The following MARS1 variants were observed in gnomAD, a reference collection of about 807,000 sequenced individuals.
MARS1 encodes the protein methionyl-tRNA synthetase 1.
A neutral mutation model predicts 119.5 loss-of-function variants in MARS1; 80 were observed. That is an observed-to-expected ratio of 0.67 (90% CI 0.56 to 0.81). MARS1 has a LOEUF of 0.81. Among genes scored for constraint, MARS1 ranks in the 30% least tolerant of loss-of-function variants. The pLI is 0.00. For synonymous variants in MARS1, 418 were observed against 433.4 expected (o/e 0.96, Z 0.44); for missense variants, 945 against 1,116.5 (o/e 0.85, Z 2.19).
In MARS1 at chr12:57,492,935, A is replaced by G. The variant is rs1014852320; in HGVS notation, c.770+2291A>G. ...GTTTTGAGAGGCAGGTGGGGCTGGCATCATACCATTGTCTCTCACCTCTGT... is the reference window on the plus strand; with the variant it reads ...GTTTTGAGAGGCAGGTGGGGCTGGCGTCATACCATTGTCTCTCACCTCTGT... On this transcript the variant is annotated intron_variant, in intron 7 of 20. Transcript: ENST00000262027. Among the ~76,000 whole-genome samples the G allele has an allele frequency of 2.0e-5, 3 of 152,188 alleles. No homozygotes were observed. The East Asian group carries it at 5.8e-4, about 29-fold the overall frequency.
chr12:57,488,658 T>G, intron 1 of MARS1: 1 of 1,550,114 alleles, frequency 6.5e-7, no homozygotes, highest in Non-Finnish European at 8.7e-7. Flanking sequence ...TAGGAGGTTC[T>G]CTTGTAAGTC....
intron 11 of MARS1, 38 bp downstream of exon 11, chr12:57,504,337 CCT>C: frequency 6.6e-7 from 1 of 1,513,240 alleles, no homozygotes; most frequent in Non-Finnish European, 9.2e-7. Context: ...TTTCAGGAGG[CCT>C]CTTCTGTCCC....
At chr12:57,500,939 A>G (rs1876888628) in intron 10 of MARS1, among the ~76,000 whole-genome samples, 1 of 152,242 alleles carries the variant, frequency 6.6e-6, no homozygotes, top group Non-Finnish European at 1.5e-5. Flanking sequence ...AATGAATAAG[A>G]CAGATTTTAT....
At chr12:57,503,691 G>A (rs528878738) in intron 10 of MARS1, among the ~76,000 whole-genome samples, 293 of 152,046 alleles carry the variant, frequency 1.9e-3, no homozygotes, top group Non-Finnish European at 3.5e-3. Context: ...ACAGGTGCAC[G>A]CCACCATGCC....
chr12:57,498,543 C>T lies in MARS1; in HGVS notation c.1011C>T (p.His337=). The stretch of plus-strand genomic sequence containing the variant: ...CCCAGGAGATCTGCGACAAGTACCA[C>T]ATCATCCATGCTGACATCTACCGCT... The part of the protein sequence containing the change: ...LTPQEICDKY[H]IIHADIYRWF... The change falls in exon 9 of 21, where the codon CAC becomes CAT. Residue 337 remains histidine (H), a synonymous_variant. Transcript: ENST00000262027. The T allele has an allele frequency of 1.9e-6, 3 of 1,614,230 alleles. No homozygotes were observed. Among genetic ancestry groups the T allele is most frequent in the Non-Finnish European group, 2.5e-6 (3 of 1,180,044 alleles).
chr12:57,511,481 G>C (rs952428465), intron 11 of MARS1: 4 of 563,010 alleles, frequency 7.1e-6, no homozygotes, highest in Non-Finnish European at 1.3e-5. Flanking sequence ...GGAGGTTGAG[G>C]TAGGAGGATT....
chr12:57,494,366 C>T lies in MARS1; in HGVS notation c.770+3722C>T, dbSNP rs1396014424. On this transcript the variant is annotated intron_variant, in intron 7 of 20. Coordinates refer to ENST00000262027, the MANE Select transcript of MARS1 (RefSeq NM_004990.4). The stretch of plus-strand genomic sequence containing the variant: ...TTTTTGAGATGGAGTCTCACACTGT[C>T]GTCCAGGCTGGAGTGCAATGGCATG... Among the ~76,000 whole-genome samples, 6 of 136,482 alleles carry T rather than the reference C, an allele frequency of 4.4e-5. 1 individual carries two copies. Among genetic ancestry groups the T allele is most frequent in the Admixed American group, 3.2e-4 (4 of 12,514 alleles). The allele number at this position is 136,482 out of a possible 152,430, so 89.5% of individuals were successfully genotyped here. A position where few individuals can be genotyped will look rare whatever the true frequency, so the allele number is the denominator to read the frequency against.
chr12:57,507,880 C>T (rs1215631825), intron 11 of MARS1, among the ~76,000 whole-genome samples: 30 of 150,976 alleles, frequency 2.0e-4, no homozygotes, highest in African/African-American at 6.3e-4. Flanking sequence ...AGCTGCCGGG[C>T]GGAGGGGCTC....
At chr12:57,506,596 T>C (rs1208047309) in intron 11 of MARS1, among the ~76,000 whole-genome samples, 1 of 152,234 alleles carries the variant, frequency 6.6e-6, no homozygotes, top group Non-Finnish European at 1.5e-5. Context: ...TTAATTTTGT[T>C]TGGTCAGGTG....
At chr12:57,515,792 T>C in intron 18 of MARS1, 128 bp from the exon 19 acceptor site, 1 of 720,260 alleles carries the variant, frequency 1.4e-6, no homozygotes, top group Non-Finnish European at 2.4e-6. Context: ...AATCAGCAGA[T>C]ATTAGCTCAG....
At chr12:57,494,707 C>T (rs1162885163) in intron 7 of MARS1, among the ~76,000 whole-genome samples, 1 of 151,812 alleles carries the variant, frequency 6.6e-6, no homozygotes, top group Non-Finnish European at 1.5e-5. Flanking sequence ...GTGGTGATGA[C>T]TCTTAACGAG....
chr12:57,508,678 G>GAGAGGT lies in MARS1; in HGVS notation c.1369-2996_1369-2991dup, dbSNP rs1555167934. ...AAGAGAGGGAGAGGGAGACCGTGGG[G>GAGAGGT]AGAGGTAGAGGTAGAGGTAGAGGTA... is the stretch of plus-strand genomic sequence containing the variant. On this transcript the variant is annotated intron_variant, in intron 11 of 20. Coordinates refer to ENST00000262027, the MANE Select transcript of MARS1 (RefSeq NM_004990.4). 2.4e-3 allele frequency among the ~76,000 whole-genome samples: 344 copies of GAGAGGT among 145,426 alleles called. 2 individuals are homozygous for GAGAGGT. The highest frequency in any genetic ancestry group is 0.01 in the South Asian group (46 of 4,502).
In MARS1 at chr12:57,489,502, G is replaced by C. The variant is rs1402370040; in HGVS notation, c.358G>C (p.Ala120Pro). The C allele has an allele frequency of 6.2e-7, 1 of 1,614,182 alleles. No homozygotes were observed. The highest frequency in any genetic ancestry group is 1.1e-5 in the South Asian group (1 of 91,082). The change falls in exon 4 of 21, where the codon GCC (alanine) becomes CCC (proline). Residue 120 changes from alanine to proline, a missense_variant. Physicochemically the swap from Ala to Pro is conservative, Grantham distance 27 (BLOSUM62 -1). Transcript: ENST00000262027. ...AGATGTTCTTGGTTCAGTGCGGAGA[G>C]CCCTGACTCACATTGACCACAGCTT... ...GEDVLGSVRR[A>P]LTHIDHSLSR...
At chr12:57,507,895 C>T (rs1198022860) in intron 11 of MARS1, among the ~76,000 whole-genome samples, 1 of 151,642 alleles carries the variant, frequency 6.6e-6, no homozygotes, top group African/African-American at 2.4e-5. Context: ...GGGCTCCTCA[C>T]TTCTCAGACG....
chr12:57,501,370 G>A (rs1386365912), intron 10 of MARS1, among the ~76,000 whole-genome samples: 2 of 152,220 alleles, frequency 1.3e-5, no homozygotes, highest in Non-Finnish European at 2.9e-5. Flanking sequence ...AAAATGGATG[G>A]CAGGGAAGCA....
At position 57,503,314 on chromosome 12, in the gene MARS1, A is replaced by G. The variant is rs191319728; in HGVS notation, c.1294-911A>G. Among the ~76,000 whole-genome samples the G allele has an allele frequency of 1.3e-3, 197 of 151,056 alleles. 2 individuals carry two copies. The highest frequency in any genetic ancestry group is 9.6e-3 in the East Asian group (49 of 5,120). ...AATGGCGCGATCTCAGCTCAGTGCA[A>G]TCTCCACCACCCAGGTTCAAGTGAT... On this transcript the variant is annotated intron_variant, in intron 10 of 20. Transcript: ENST00000262027.
intron 11 of MARS1, among the ~76,000 whole-genome samples, chr12:57,508,667 G>T (rs374027761): frequency 6.3e-5 from 7 of 111,782 alleles, no homozygotes; most frequent in Non-Finnish European, 1.0e-4. Flanking sequence ...GAGGGAGAGG[G>T]AGACCGTGGG....
In MARS1 at chr12:57,489,301, G is replaced by T; in HGVS notation, c.235G>T (p.Asp79Tyr). The T allele has an allele frequency of 6.2e-7, 1 of 1,613,832 alleles. No individual in the cohort carries two copies. The highest frequency in any genetic ancestry group is 1.1e-5 in the South Asian group (1 of 91,026). The change falls in exon 3 of 21, where the codon GAC becomes TAC. Residue 79 changes from aspartate (D) to tyrosine (Y), a missense_variant. Asp to Tyr is a radical substitution (Grantham distance 160). Coordinates refer to ENST00000262027, the MANE Select transcript of MARS1 (RefSeq NM_004990.4). ...FFLLSGWEQD[D>Y]LTNQWLEWEA... ...TTTGTTATCTGGCTGGGAGCAAGATGACCTCACTAACCAGTGGCTGGAATG... is the reference window on the plus strand; with the variant it reads ...TTTGTTATCTGGCTGGGAGCAAGATTACCTCACTAACCAGTGGCTGGAATG...
In MARS1 at chr12:57,492,669, T is replaced by TCTCACACA. The variant is rs1217908969; in HGVS notation, c.770+2026_770+2027insTCACACAC. 6.6e-3 allele frequency among the ~76,000 whole-genome samples: 917 copies of TCTCACACA among 139,506 alleles called. 8 individuals carry two copies. Among genetic ancestry groups the TCTCACACA allele is most frequent in the African/African-American group, 0.024 (890 of 37,788 alleles). 91.5% of individuals were successfully genotyped at this position (139,506 alleles called of 152,430 possible). On this transcript the variant is annotated intron_variant, in intron 7 of 20. Transcript: ENST00000262027. Reference sequence around the variant, plus strand: ...CTGGGCAACAGAGCGCGACTCCATTTCACACACACACACACACACACACAC... The same window carrying TCTCACACA: ...CTGGGCAACAGAGCGCGACTCCATTTCTCACACACACACACACACACACACACACACAC...
Sources: gnomAD v4.1 joint callset for allele counts (sites outside exome capture counted in the v4.1 genomes callset) on GRCh38, gnomAD v4.1.1 for gene constraint, MANE v1.5 for transcripts, NCBI Gene and HGNC (gene_info 2026-07-23, HGNC 2026-07-21) for gene names.